The following DPY19L1 variants were observed in gnomAD, a reference collection of about 807,000 sequenced individuals.
The protein encoded by DPY19L1 is protein C-mannosyl-transferase DPY19L1.
A neutral mutation model predicts 96.9 loss-of-function variants in DPY19L1; 35 were observed. The ratio of observed to expected loss-of-function variants is 0.36; its 90% CI spans 0.28 to 0.48. The LOEUF (loss-of-function observed/expected upper bound fraction) is 0.48. Among genes scored for constraint, DPY19L1 ranks in the 20% least tolerant of loss-of-function variants. The probability of loss-of-function intolerance (pLI) is 0.99; values close to 1 mark genes in which losing one functional copy is unlikely to be tolerated. For missense variants in DPY19L1, 521 were observed against 777.9 expected (o/e 0.67, Z 3.93); for synonymous variants, 205 against 252.6 (o/e 0.81, Z 1.79).
intron 13 of DPY19L1, among the ~76,000 whole-genome samples, chr7:34,954,311 T>C (rs1170539444): frequency 1.3e-5 from 2 of 152,150 alleles, no homozygotes; most frequent in African/African-American, 4.8e-5. Context: ...AGTAATGACT[T>C]GAAAACTGGA....
At chr7:35,008,109 C>T (rs191343153) in intron 6 of DPY19L1, among the ~76,000 whole-genome samples, 37 of 151,812 alleles carry the variant, frequency 2.4e-4, no homozygotes, top group Admixed American at 2.4e-3. Context: ...GGTTTATTTC[C>T]ACCTATTCAA....
At chr7:35,017,329 TAA>T (rs1791893353) in intron 3 of DPY19L1, among the ~76,000 whole-genome samples, 1 of 150,720 alleles carries the variant, frequency 6.6e-6, no homozygotes, top group South Asian at 2.1e-4. Context: ...CCGTCTCTAC[TAA>T]AAAAATACAA....
chr7:35,034,460 C>T (rs1214918701), intron 1 of DPY19L1, among the ~76,000 whole-genome samples: 1 of 152,202 alleles, frequency 6.6e-6, no homozygotes, highest in Non-Finnish European at 1.5e-5. Context: ...CATGAGGAAG[C>T]TATCAGGTTG....
intron 10 of DPY19L1, among the ~76,000 whole-genome samples, chr7:34,960,495 TTTCA>T (rs1250804258): frequency 1.1e-4 from 16 of 152,186 alleles, no homozygotes. Context: ...ATGAATATGA[TTTCA>T]TTGTTTCCAG....
intron 6 of DPY19L1, chr7:35,000,526 T>A (rs186240795): frequency 6.6e-6 from 1 of 152,302 alleles, no homozygotes; most frequent in Non-Finnish European, 1.5e-5. Context: ...TAAAATTAAC[T>A]GAGGAAACTA....
chr7:34,982,048 T>TA (rs1483691179), intron 7 of DPY19L1, among the ~76,000 whole-genome samples: 5 of 152,148 alleles, frequency 3.3e-5, no homozygotes, highest in Non-Finnish European at 7.4e-5. Context: ...ACAAAATAAT[T>TA]AGACTCCTCA....
chr7:35,023,833 C>CTTTTTTTTTTTTTTTT (rs755619806), intron 1 of DPY19L1, among the ~76,000 whole-genome samples: 20 of 111,808 alleles, frequency 1.8e-4, no homozygotes, highest in South Asian at 3.0e-4. Flanking sequence ...CTTTTCTTTT[C>CTTTTTTTTTTTTTTTT]TTTTTTTTTT....
chr7:34,975,378 G>C (rs1784810200), intron 7 of DPY19L1, among the ~76,000 whole-genome samples: 1 of 152,196 alleles, frequency 6.6e-6, no homozygotes, highest in South Asian at 2.1e-4. Context: ...GCCTAATCCA[G>C]AACAAGATCC....
rs540000324 is a variant in DPY19L1 at position 34,938,198 on chromosome 7, T to C, written c.1965-79A>G. Reference sequence around the variant, plus strand: ...ACACATTTGGAAGAAAGCACTGAATTAGACTAGAAGACGATGAAGAAGAAT... The same window carrying C: ...ACACATTTGGAAGAAAGCACTGAATCAGACTAGAAGACGATGAAGAAGAAT... On this transcript the variant is annotated intron_variant, in intron 20 of 21. Transcript: ENST00000638088. 6.3e-4 allele frequency: 919 copies of C among 1,449,634 alleles called. 12 individuals carry two copies. In the South Asian group the frequency reaches 0.011, roughly 17 times the overall value. The allele number at this position is 1,449,634 out of a possible 1,614,324, so 89.8% of individuals were successfully genotyped here.
chr7:35,013,366 C>G lies in DPY19L1; in HGVS notation c.549+202G>C, dbSNP rs577242281. On this transcript the variant is annotated intron_variant, in intron 4 of 21. Coordinates refer to ENST00000638088, the MANE Select transcript of DPY19L1 (RefSeq NM_001366673.1). Reference sequence around the variant, plus strand: ...TATTTTCTAAACAATGCAATCAAATCAACAGTTCCCCACAGAATTAAAGCC... The same window carrying G: ...TATTTTCTAAACAATGCAATCAAATGAACAGTTCCCCACAGAATTAAAGCC... Among the ~76,000 whole-genome samples the G allele has an allele frequency of 2.0e-5, 3 of 152,312 alleles. No individual in the cohort carries two copies. In the East Asian group the frequency reaches 5.8e-4, roughly 29 times the overall value.
chr7:34,979,585 T>C (rs919777570), intron 7 of DPY19L1, among the ~76,000 whole-genome samples: 1 of 152,120 alleles, frequency 6.6e-6, no homozygotes, highest in African/African-American at 2.4e-5. Context: ...ATGACATTAG[T>C]GTAGTAACTT....
chr7:34,974,698 T>C (rs1028066872), intron 7 of DPY19L1, among the ~76,000 whole-genome samples: 6 of 152,186 alleles, frequency 3.9e-5, no homozygotes, highest in Non-Finnish European at 5.9e-5. Flanking sequence ...GTAAGATACA[T>C]GGGCAAACTA....
At chr7:34,981,242 T>A (rs1324148327) in intron 7 of DPY19L1, among the ~76,000 whole-genome samples, 5 of 152,154 alleles carry the variant, frequency 3.3e-5, no homozygotes, top group Non-Finnish European at 7.4e-5. Context: ...TGCAATGGAT[T>A]ATAAAACATT....
chr7:34,985,652 T>C (rs1260389190), intron 7 of DPY19L1, among the ~76,000 whole-genome samples: 2 of 152,030 alleles, frequency 1.3e-5, no homozygotes, highest in African/African-American at 2.4e-5. Flanking sequence ...AGAAAGGCTA[T>C]TATCAAAAAA....
intron 15 of DPY19L1, among the ~76,000 whole-genome samples, chr7:34,946,373 G>A (rs576214056): frequency 6.6e-4 from 101 of 152,264 alleles, no homozygotes; most frequent in African/African-American, 2.2e-3. Context: ...TGATTCTAAG[G>A]AGCCAGATTG....
chr7:34,944,191 C>T (rs1373064857), intron 16 of DPY19L1, among the ~76,000 whole-genome samples: 7 of 151,644 alleles, frequency 4.6e-5, no homozygotes, highest in Non-Finnish European at 7.4e-5. Context: ...GGTGAAACCC[C>T]GTCTCTACTA....
chr7:34,945,919 T>A (rs1784135941), intron 15 of DPY19L1, among the ~76,000 whole-genome samples: 1 of 152,224 alleles, frequency 6.6e-6, no homozygotes, highest in African/African-American at 2.4e-5. Flanking sequence ...GTTGGGTAGA[T>A]TATATCATCC....
chr7:34,951,939 C>A (rs1031852008), intron 13 of DPY19L1, among the ~76,000 whole-genome samples: 2 of 151,466 alleles, frequency 1.3e-5, no homozygotes, highest in African/African-American at 4.8e-5. Flanking sequence ...AAAACACCAA[C>A]ACTGGCACAA....
chr7:34,988,153 C>T (rs371192275), intron 7 of DPY19L1: 3 of 152,014 alleles, frequency 2.0e-5, no homozygotes, highest in Admixed American at 6.6e-5. Context: ...TATAAGAAAA[C>T]GTAAGACGAA....
Sources: allele counts gnomAD v4.1 joint callset (sites outside exome capture counted in the v4.1 genomes callset), GRCh38; gene constraint gnomAD v4.1.1; transcripts MANE v1.5; gene names NCBI Gene and HGNC (gene_info 2026-07-23, HGNC 2026-07-21).